Variants in CREB3L1 observed in about 807,000 individuals in gnomAD.
The protein encoded by CREB3L1 is cAMP responsive element binding protein 3 like 1.
In CREB3L1, 33 loss-of-function variants were observed where a neutral mutation model predicts 54.5. That is an observed-to-expected ratio of 0.61 (90% CI 0.46 to 0.81). CREB3L1 has a LOEUF of 0.81. Among genes scored for constraint, CREB3L1 ranks in the 30% least tolerant of loss-of-function variants. The pLI is 0.00. For synonymous variants in CREB3L1, 284 were observed against 286.4 expected, an observed-to-expected ratio of 0.99 and a Z score of 0.08; for missense variants, 656 against 673.3, an observed-to-expected ratio of 0.97 and a Z score of 0.29.
At chr11:46,288,980 TAG>T (rs1343409418) in intron 1 of CREB3L1, among the ~76,000 whole-genome samples, 1 of 152,208 alleles carries the variant, frequency 6.6e-6, no homozygotes, top group Non-Finnish European at 1.5e-5. Flanking sequence ...TGCAGGAAGT[TAG>T]AGCAGTGCCT....
intron 7 of CREB3L1, 63 bp downstream of exon 7, chr11:46,312,733 T>C: frequency 1.9e-6 from 3 of 1,560,630 alleles, no homozygotes; most frequent in Non-Finnish European, 2.6e-6. Context: ...CCCTAGGCCC[T>C]CCCTCAGGGG....
Position 46,312,414 on chromosome 11 carries a change from C to T in CREB3L1, c.843C>T (p.Leu281=), listed in dbSNP as rs958721341. 8.1e-6 allele frequency: 13 copies of T among 1,613,678 alleles called. No individual in the cohort carries two copies. Among genetic ancestry groups the T allele is most frequent in the Non-Finnish European group, 1.0e-5 (12 of 1,179,800 alleles). Residue 281 remains leucine, a synonymous_variant, in exon 6 of 12, where the codon CTC becomes CTT. Coordinates refer to ENST00000621158, the MANE Select transcript of CREB3L1 (RefSeq NM_052854.4). ...AGGGCTACCCCATCCCCACAAAACT[C>T]CCCCTCACCAAAGCCGAGGAGAAGG... is the stretch of plus-strand genomic sequence containing the variant. ...IAEGYPIPTK[L]PLTKAEEKAL... is the part of the protein sequence containing the mutation.
intron 9 of CREB3L1, 123 bp downstream of exon 9, chr11:46,316,508 C>T (rs1319863572): frequency 1.5e-6 from 1 of 658,620 alleles, no homozygotes; most frequent in Non-Finnish European, 2.7e-6. Context: ...CAGGGTACAC[C>T]ATCCTGGCGC....
Position 46,277,992 on chromosome 11 carries a change from T to A in CREB3L1, c.-120T>A. The A allele has an allele frequency of 4.1e-6, 1 of 245,578 alleles. No homozygotes were observed. The highest frequency in any genetic ancestry group is 7.4e-6 in the Non-Finnish European group (1 of 135,448). 15.2% of individuals were successfully genotyped at this position (245,578 alleles called of 1,614,324 possible). A position where few individuals can be genotyped will look rare whatever the true frequency, so the allele number is the denominator to read the frequency against. ...CCTCCGTCCGCCCCTCCCCCGGGGC[T>A]TCGCCCCGGACCTGCCCCCCGCCCG... On this transcript the variant is annotated 5_prime_UTR_variant, in exon 1 of 12. Transcript: ENST00000621158.
rs1164420496 is a variant in CREB3L1, at chr11:46,310,078, C to T, written c.595+11C>T. 1 of 1,571,748 alleles carries T rather than the reference C, an allele frequency of 6.4e-7. No homozygotes were observed. ...TCAAAGTGACACCGGGTAGGTGTGT[C>T]CAGGGGAAGGGCTCTTTTCCCCTCC... On this transcript the variant is annotated intron_variant, in intron 4 of 11. Transcript: ENST00000621158.
chr11:46,310,124 C>G, intron 4 of CREB3L1, 57 bp downstream of exon 4: 1 of 1,303,914 alleles, frequency 7.7e-7, no homozygotes, highest in Non-Finnish European at 1.1e-6. Flanking sequence ...AGATAGCATC[C>G]CCACTTCCTT....
chr11:46,299,100 G>A (rs1939254108), intron 1 of CREB3L1, among the ~76,000 whole-genome samples: 1 of 151,904 alleles, frequency 6.6e-6, no homozygotes, highest in Non-Finnish European at 1.5e-5. Flanking sequence ...TTAATTGCCA[G>A]GTATTTAACT....
At chr11:46,282,581 C>G (rs1938995600) in intron 1 of CREB3L1, among the ~76,000 whole-genome samples, 1 of 152,216 alleles carries the variant, frequency 6.6e-6, no homozygotes, top group South Asian at 2.1e-4. Flanking sequence ...CTGCTTTTCC[C>G]CCAGTCTGTC....
chr11:46,306,071 G>T (rs1277968568), intron 2 of CREB3L1, among the ~76,000 whole-genome samples: 1 of 151,782 alleles, frequency 6.6e-6, no homozygotes, highest in Non-Finnish European at 1.5e-5. Flanking sequence ...TAGAGATAGG[G>T]TCTCGCTCTG....
In CREB3L1 at chr11:46,320,541, G is replaced by A. The variant is rs1186135799; in HGVS notation, c.1523+13G>A. The A allele has an allele frequency of 6.4e-7, 1 of 1,563,886 alleles. No homozygotes were observed. Among genetic ancestry groups the A allele is most frequent in the African/African-American group, 1.4e-5 (1 of 73,588 alleles). On this transcript the variant is annotated intron_variant, in intron 11 of 11. Coordinates refer to ENST00000621158, the MANE Select transcript of CREB3L1 (RefSeq NM_052854.4). The stretch of plus-strand genomic sequence containing the variant: ...GGTTCCACGACAGGTGGGGTGTGTG[G>A]CCCCTTTCCCTCCTGAGGTCTCAGG...
intron 1 of CREB3L1, among the ~76,000 whole-genome samples, chr11:46,286,595 G>C (rs1461905412): frequency 1.3e-5 from 2 of 152,102 alleles, no homozygotes. Flanking sequence ...GACCAGCCTG[G>C]CCAACATGGT....
At position 46,295,417 on chromosome 11, in the gene CREB3L1, C is replaced by T. The variant is rs977835692; in HGVS notation, c.103-4518C>T. On this transcript the variant is annotated intron_variant, in intron 1 of 11. Transcript: ENST00000621158. This position sits in a 1 kb window ranked among gnomAD's most constrained non-coding sequence, Gnocchi z 4.6. ...CGGGGTCGTCGGGGAGACCCTCGGT[C>T]TCCACTTCTCCCTGCGGGGGTGGGG... The T allele has an allele frequency of 2.6e-5, 4 of 152,146 alleles. No homozygotes were observed. Among genetic ancestry groups the T allele is most frequent in the African/African-American group, 9.7e-5 (4 of 41,414 alleles). 9.4% of individuals were successfully genotyped at this position (152,146 alleles called of 1,614,324 possible). A position where few individuals can be genotyped will look rare whatever the true frequency, so the allele number is the denominator to read the frequency against.
At chr11:46,303,384 C>T (rs1939331192) in intron 2 of CREB3L1, among the ~76,000 whole-genome samples, 1 of 152,196 alleles carries the variant, frequency 6.6e-6, no homozygotes. Flanking sequence ...GTGGCTCAGG[C>T]CTGTAATCCC....
In CREB3L1 at chr11:46,320,983, C is replaced by T. The variant is rs914619421; in HGVS notation, c.*237C>T. Reference sequence around the variant, plus strand: ...ATCCGTCCTTCTCAGACAAACCACTCACTGGGTACCCCACCTCCTCTCTCA... The same window carrying T: ...ATCCGTCCTTCTCAGACAAACCACTTACTGGGTACCCCACCTCCTCTCTCA... On this transcript the variant is annotated 3_prime_UTR_variant, in exon 12 of 12. Transcript: ENST00000621158. 1.7e-5 allele frequency: 11 copies of T among 656,304 alleles called. No homozygotes were observed. The highest frequency in any genetic ancestry group is 2.8e-5 in the Non-Finnish European group (10 of 356,976). 40.7% of individuals were successfully genotyped at this position (656,304 alleles called of 1,614,324 possible). A position where few individuals can be genotyped will look rare whatever the true frequency, so the allele number is the denominator to read the frequency against.
intron 2 of CREB3L1, among the ~76,000 whole-genome samples, chr11:46,302,444 C>T (rs1375230531): frequency 6.6e-6 from 1 of 152,070 alleles, no homozygotes; most frequent in Admixed American, 6.6e-5. Context: ...AGAAATGGTC[C>T]CTTCGGGCAT....
At chr11:46,286,040 A>G (rs768608207) in intron 1 of CREB3L1, among the ~76,000 whole-genome samples, 39 of 152,204 alleles carry the variant, frequency 2.6e-4, no homozygotes, top group Non-Finnish European at 4.7e-4. Context: ...CCCTGGGCAA[A>G]TCACTTTCCC....
In CREB3L1 at chr11:46,307,929, G is replaced by T. The variant is rs775995889; in HGVS notation, c.445G>T (p.Ala149Ser). The change falls in exon 3 of 12, where the codon GCC (alanine) becomes TCC (serine). Residue 149 changes from alanine (A) to serine (S), a missense_variant. By Grantham distance (99) the Ala-to-Ser change is moderately conservative. This residue lies in a region of CREB3L1 where 339 missense variants were observed against 331.5 expected (regional missense o/e 1.02). Transcript: ENST00000621158. ...DPLAAPSAMA[A>S]AAAMATTPLL... The stretch of plus-strand genomic sequence containing the variant: ...TCTGGCTGCCCCCTCGGCCATGGCT[G>T]CCGCGGCCGCCATGGCCACCACCCC... The T allele has an allele frequency of 1.3e-6, 2 of 1,562,032 alleles. No homozygotes were observed. The highest frequency in any genetic ancestry group is 1.7e-6 in the Non-Finnish European group (2 of 1,156,104).
chr11:46,320,195 A>C, intron 10 of CREB3L1, 69 bp from the exon 11 acceptor site: 2 of 1,479,446 alleles, frequency 1.4e-6, no homozygotes, highest in Non-Finnish European at 1.8e-6. Context: ...CTTAACCACT[A>C]GGCCATGAAT....
intron 9 of CREB3L1, among the ~76,000 whole-genome samples, chr11:46,316,697 G>A (rs1231147980): frequency 1.3e-5 from 2 of 152,196 alleles, no homozygotes; most frequent in Non-Finnish European, 2.9e-5. Context: ...CTTGTGCAGG[G>A]AAGGGCTTGG....
Sources: allele counts gnomAD v4.1 joint callset (sites outside exome capture counted in the v4.1 genomes callset), GRCh38; gene constraint gnomAD v4.1.1; regional missense constraint gnomAD v4.1.1; non-coding constraint Gnocchi (gnomAD v3.1); transcripts MANE v1.5; gene names NCBI Gene and HGNC (gene_info 2026-07-23, HGNC 2026-07-21).